Variants in DGKG observed in about 807,000 individuals in gnomAD.
DGKG encodes the protein diacylglycerol kinase gamma.
A neutral mutation model predicts 105.3 loss-of-function variants in DGKG; 78 were observed. The observed-to-expected ratio is 0.74, with a 90% CI of 0.62 to 0.89. The LOEUF (loss-of-function observed/expected upper bound fraction) is 0.89. DGKG is among the 40% of genes least tolerant of loss of function. The pLI is 0.00. For synonymous variants in DGKG, 346 were observed against 367.1 expected, an observed-to-expected ratio of 0.94 and a Z score of 0.66; for missense variants, 958 against 1,020.1, an observed-to-expected ratio of 0.94 and a Z score of 0.83.
intron 1 of DGKG, among the ~76,000 whole-genome samples, chr3:186,358,506 T>TGTGTGTGTGTGTG (rs1727083159): frequency 6.7e-6 from 1 of 149,952 alleles, no homozygotes; most frequent in Non-Finnish European, 1.5e-5. Context: ...TTCTAACCCT[T>TGTGTGTGTGTGTG]TGTGTGTGTG....
At chr3:186,328,060 G>T (rs1725433249) in intron 1 of DGKG, among the ~76,000 whole-genome samples, 1 of 152,126 alleles carries the variant, frequency 6.6e-6, no homozygotes, top group African/African-American at 2.4e-5. Context: ...CTGGATGTGG[G>T]AGGACCCCAT....
chr3:186,294,742 T>G (rs1441220723), intron 5 of DGKG, among the ~76,000 whole-genome samples: 1 of 142,204 alleles, frequency 7.0e-6, no homozygotes, highest in Non-Finnish European at 1.5e-5. Flanking sequence ...GATGCCTGAA[T>G]ATGCCTCCTC....
intron 1 of DGKG, among the ~76,000 whole-genome samples, chr3:186,345,801 G>A (rs565022143): frequency 3.3e-5 from 5 of 152,006 alleles, no homozygotes; most frequent in African/African-American, 9.7e-5. Context: ...ACCGAGTCTC[G>A]CTCTGTCGCC....
At chr3:186,256,236 G>T (rs938097929) in intron 17 of DGKG, among the ~76,000 whole-genome samples, 1 of 152,164 alleles carries the variant, frequency 6.6e-6, no homozygotes, top group Non-Finnish European at 1.5e-5. Context: ...AAGCGCCCGG[G>T]GGAGTGGCGG....
intron 21 of DGKG, among the ~76,000 whole-genome samples, chr3:186,204,599 C>CT (rs921252085): frequency 2.6e-5 from 4 of 151,682 alleles, no homozygotes; most frequent in Non-Finnish European, 4.4e-5. Flanking sequence ...CCAGCACGTC[C>CT]TTTTTTTTAA....
At position 186,210,093 on chromosome 3, in the gene DGKG, A is replaced by T. The variant is rs192096976; in HGVS notation, c.1917+1702T>A. Among the ~76,000 whole-genome samples, 1 of 152,242 alleles carries T rather than the reference A, an allele frequency of 6.6e-6. No individual in the cohort carries two copies. Among genetic ancestry groups the T allele is most frequent in the East Asian group, 1.9e-4 (1 of 5,174 alleles). ...GGAAGAGCCTCTGTCTCTCAAACCC[A>T]GAGGGGACTGTGGGGCCTGGAGCCG... is the stretch of plus-strand genomic sequence containing the variant. On this transcript the variant is annotated intron_variant, in intron 21 of 24. Transcript: ENST00000265022. The surrounding 1 kb of genome is among the most constrained non-coding windows in gnomAD (Gnocchi z 5.2).
At chr3:186,191,534 T>G (rs947992664) in intron 21 of DGKG, among the ~76,000 whole-genome samples, 1 of 152,264 alleles carries the variant, frequency 6.6e-6, no homozygotes, top group Non-Finnish European at 1.5e-5. Flanking sequence ...TCCATTGATT[T>G]ACCTTGGGTT....
chr3:186,307,680 C>T (rs1034924537), intron 2 of DGKG, among the ~76,000 whole-genome samples: 6 of 152,154 alleles, frequency 3.9e-5, no homozygotes, highest in Non-Finnish European at 5.9e-5. Flanking sequence ...TAAGGTCTGA[C>T]GTGTAACTAG....
chr3:186,297,574 G>C, intron 4 of DGKG, 91 bp from the exon 5 acceptor site: 1 of 900,070 alleles, frequency 1.1e-6, no homozygotes, highest in South Asian at 1.4e-5. Context: ...GACCTGGTTT[G>C]CCTTGATTGT....
chr3:186,263,433 G>A (rs1023843980), intron 14 of DGKG, among the ~76,000 whole-genome samples: 4 of 151,932 alleles, frequency 2.6e-5, no homozygotes, highest in African/African-American at 9.7e-5. Flanking sequence ...CGGGTGTAGT[G>A]GCGCATGCCT....
chr3:186,303,929 C>T (rs1281715813), intron 3 of DGKG, among the ~76,000 whole-genome samples: 1 of 152,248 alleles, frequency 6.6e-6, no homozygotes, highest in Non-Finnish European at 1.5e-5. Context: ...TTAAACCCTT[C>T]TTATTTCCCT....
intron 9 of DGKG, 122 bp downstream of exon 9, chr3:186,279,729 G>A: frequency 9.0e-7 from 1 of 1,105,608 alleles, no homozygotes. Flanking sequence ...GGACTTTGGG[G>A]CTGGTCATGG....
At chr3:186,297,068 T>TCTCTCTCTCTCTCACACACACACACACA (rs1452573661) in intron 5 of DGKG, among the ~76,000 whole-genome samples, 1 of 130,504 alleles carries the variant, frequency 7.7e-6, no homozygotes, top group African/African-American at 2.9e-5. Flanking sequence ...TCTGTCTCTC[T>TCTCTCTCTCTCTCACACACACACACACA]CACACACACA....
intron 17 of DGKG, among the ~76,000 whole-genome samples, chr3:186,255,335 G>C (rs1255655725): frequency 1.3e-5 from 2 of 152,214 alleles, no homozygotes; most frequent in Admixed American, 1.3e-4. Context: ...ATAATAATGA[G>C]GAATCCATGG....
intron 22 of DGKG, among the ~76,000 whole-genome samples, chr3:186,173,686 A>T (rs1473777806): frequency 6.6e-6 from 1 of 152,242 alleles, no homozygotes; most frequent in African/African-American, 2.4e-5. Context: ...GCACAGATGA[A>T]ACACTGCTCC....
At chr3:186,283,506 C>T (rs755661584) in intron 7 of DGKG, among the ~76,000 whole-genome samples, 5 of 152,190 alleles carry the variant, frequency 3.3e-5, no homozygotes, top group South Asian at 4.1e-4. Flanking sequence ...CGGCGACCCT[C>T]GCTAAAGCTT....
intron 17 of DGKG, among the ~76,000 whole-genome samples, chr3:186,256,457 A>G (rs1022833499): frequency 1.3e-5 from 2 of 150,838 alleles, no homozygotes; most frequent in African/African-American, 2.4e-5. Context: ...TCTCACCACC[A>G]CTCTGTTTCT....
chr3:186,253,876 C>G (rs1721336996), intron 17 of DGKG, among the ~76,000 whole-genome samples: 1 of 152,164 alleles, frequency 6.6e-6, no homozygotes, highest in Admixed American at 6.5e-5. Context: ...CAACTGTTCA[C>G]CACTCGAGTT....
At chr3:186,229,306 T>A (rs1319505429) in intron 20 of DGKG, among the ~76,000 whole-genome samples, 1 of 151,730 alleles carries the variant, frequency 6.6e-6, no homozygotes, top group Non-Finnish European at 1.5e-5. Flanking sequence ...AGTGGCATGA[T>A]CTCGGCTCAC....
Sources: allele counts gnomAD v4.1 joint callset (sites outside exome capture counted in the v4.1 genomes callset), GRCh38; gene constraint gnomAD v4.1.1; non-coding constraint Gnocchi (gnomAD v3.1); transcripts MANE v1.5; gene names NCBI Gene and HGNC (gene_info 2026-07-23, HGNC 2026-07-21).